MYOZ2: variants seen among roughly 807,000 people sequenced by gnomAD.
MYOZ2 encodes myozenin 2, also known as myozenin-2.
MYOZ2 carries 19 observed loss-of-function variants against 25.4 expected under a neutral mutation model. The observed-to-expected ratio is 0.75, with a 90% CI of 0.52 to 1.10. The LOEUF (loss-of-function observed/expected upper bound fraction) is 1.10, where lower values mean the gene tolerates loss of function less well. MYOZ2 is among the 50% of genes least tolerant of loss of function. The pLI, the probability that MYOZ2 is intolerant of heterozygous loss-of-function variation, is 0.00. For synonymous variants in MYOZ2, 92 were observed against 106.9 expected (o/e 0.86, Z 0.86); for missense variants, 270 against 317.9 (o/e 0.85, Z 1.15).
At chr4:119,155,520 C>T (rs1011025281) in intron 3 of MYOZ2, among the ~76,000 whole-genome samples, 2 of 151,956 alleles carry the variant, frequency 1.3e-5, no homozygotes, top group Non-Finnish European at 2.9e-5. Context: ...TTAGAGGAAA[C>T]CTAGGATTTG....
intron 5 of MYOZ2, among the ~76,000 whole-genome samples, chr4:119,182,676 A>C (rs890849999): frequency 6.6e-6 from 1 of 152,058 alleles, no homozygotes; most frequent in African/African-American, 2.4e-5. Context: ...GAGGGTTTGC[A>C]CTCCTATGAG....
chr4:119,176,711 A>G (rs1409826195), intron 5 of MYOZ2, among the ~76,000 whole-genome samples: 2 of 152,360 alleles, frequency 1.3e-5, no homozygotes, highest in South Asian at 2.1e-4. Flanking sequence ...AATTTGAAAA[A>G]GAACTTTAAG....
intron 3 of MYOZ2, 82 bp downstream of exon 3, chr4:119,151,123 G>T: frequency 1.5e-6 from 2 of 1,343,346 alleles, no homozygotes; most frequent in Non-Finnish European, 2.1e-6. Flanking sequence ...TCTGAAGGAA[G>T]TATTCTATAT....
At chr4:119,179,788 G>A (rs1005992292) in intron 5 of MYOZ2, among the ~76,000 whole-genome samples, 2 of 152,202 alleles carry the variant, frequency 1.3e-5, no homozygotes, top group Non-Finnish European at 2.9e-5. Flanking sequence ...GTCCTCACAT[G>A]GCAAAAGAAG....
Position 119,150,851 on chromosome 4 carries a change from C to T in MYOZ2, c.77-21C>T, listed in dbSNP as rs200211984. 1.1e-3 allele frequency: 1,765 copies of T among 1,610,144 alleles called. 4 individuals carry two copies. The highest frequency in any genetic ancestry group is 1.3e-3 in the Non-Finnish European group (1,520 of 1,176,556). The stretch of plus-strand genomic sequence containing the variant: ...AAATGCTTACCTTGGGATTTTTACT[C>T]ATATGAATATTGTTTTACAGATGTT... On this transcript the variant is annotated intron_variant, in intron 2 of 5. Coordinates refer to ENST00000307128, the MANE Select transcript of MYOZ2 (RefSeq NM_016599.5).
At chr4:119,172,214 G>A (rs934389626) in intron 5 of MYOZ2, among the ~76,000 whole-genome samples, 2 of 152,172 alleles carry the variant, frequency 1.3e-5, no homozygotes, top group African/African-American at 4.8e-5. Flanking sequence ...CCCCCAAAGG[G>A]TTCTCCTTGC....
Position 119,164,285 on chromosome 4 carries a change from C to A in MYOZ2, c.451C>A (p.Pro151Thr). ...TTAVPKYYQSPWEQAISNDPE... is the reference protein window; with the variant it reads ...TTAVPKYYQSTWEQAISNDPE... ...AGCTGTCCCTAAGTACTATCAATCT[C>A]CCTGGGAACAAGCCATTAGCAATGA... The change falls in exon 5 of 6, where the codon CCC becomes ACC. Residue 151 changes from proline to threonine, a missense_variant. Physicochemically the swap from Pro to Thr is conservative, Grantham distance 38. Coordinates refer to ENST00000307128, the MANE Select transcript of MYOZ2 (RefSeq NM_016599.5). 1 of 1,614,020 alleles carries A rather than the reference C, an allele frequency of 6.2e-7. No individual in the cohort carries two copies.
At chr4:119,158,292 T>C in intron 4 of MYOZ2, 141 bp downstream of exon 4, 1 of 1,165,906 alleles carries the variant, frequency 8.6e-7, no homozygotes, top group Non-Finnish European at 1.2e-6. Context: ...CCAGGCACGG[T>C]GGCTCCCAAT....
At chr4:119,180,414 C>A (rs941704650) in intron 5 of MYOZ2, among the ~76,000 whole-genome samples, 1 of 152,170 alleles carries the variant, frequency 6.6e-6, no homozygotes, top group Non-Finnish European at 1.5e-5. Context: ...CTCTTTACTC[C>A]ACTCTCATCC....
At chr4:119,137,356 A>T (rs1741053558) in intron 2 of MYOZ2, among the ~76,000 whole-genome samples, 1 of 152,182 alleles carries the variant, frequency 6.6e-6, no homozygotes. Flanking sequence ...AGCAACGTAT[A>T]GCATCAGTTT....
chr4:119,174,992 G>A (rs1742031581), intron 5 of MYOZ2, among the ~76,000 whole-genome samples: 1 of 151,928 alleles, frequency 6.6e-6, no homozygotes, highest in Non-Finnish European at 1.5e-5. Flanking sequence ...GAGCCAGTGA[G>A]ACCATGAACC....
intron 2 of MYOZ2, among the ~76,000 whole-genome samples, chr4:119,141,449 C>A (rs533517385): frequency 6.6e-6 from 1 of 152,270 alleles, no homozygotes; most frequent in South Asian, 2.1e-4. Flanking sequence ...GTGGTGCAAT[C>A]TCCGCTCACT....
intron 4 of MYOZ2, among the ~76,000 whole-genome samples, chr4:119,160,607 A>G (rs1391062760): frequency 6.6e-6 from 1 of 152,090 alleles, no homozygotes; most frequent in South Asian, 2.1e-4. Context: ...GTGGTTGTAT[A>G]TGTATGTTTA....
intron 5 of MYOZ2, among the ~76,000 whole-genome samples, chr4:119,171,816 A>AAC (rs35658721): frequency 4.4e-4 from 66 of 149,394 alleles, no homozygotes; most frequent in Admixed American, 2.6e-3. Flanking sequence ...CAAACACACA[A>AAC]ACACACACAC....
At chr4:119,168,033 T>C (rs1450216922) in intron 5 of MYOZ2, among the ~76,000 whole-genome samples, 1 of 152,190 alleles carries the variant, frequency 6.6e-6, no homozygotes, top group Non-Finnish European at 1.5e-5. Context: ...AGTGCAGTGG[T>C]GTGATCTCGG....
intron 2 of MYOZ2, among the ~76,000 whole-genome samples, chr4:119,140,366 T>C (rs1741136814): frequency 6.6e-6 from 1 of 152,190 alleles, no homozygotes; most frequent in Non-Finnish European, 1.5e-5. Context: ...AAAAAGGCCT[T>C]TCATACCTCC....
At chr4:119,164,432 A>C (rs754562224) in intron 5 of MYOZ2, 38 bp downstream of exon 5, 1 of 1,608,196 alleles carries the variant, frequency 6.2e-7, no homozygotes, top group Admixed American at 1.7e-5. Context: ...TTGGCATGCA[A>C]TACCAAAATT....
chr4:119,180,319 T>G (rs1336683732), intron 5 of MYOZ2, among the ~76,000 whole-genome samples: 1 of 152,212 alleles, frequency 6.6e-6, no homozygotes, highest in African/African-American at 2.4e-5. Flanking sequence ...ACTGTATATA[T>G]GAATGATATA....
chr4:119,162,976 CT>C (rs1741743552), intron 4 of MYOZ2, among the ~76,000 whole-genome samples: 1 of 152,124 alleles, frequency 6.6e-6, no homozygotes, highest in African/African-American at 2.4e-5. Flanking sequence ...CAGTAGAGGG[CT>C]TGATTATTTT....
Sources: gnomAD v4.1 joint callset for allele counts (sites outside exome capture counted in the v4.1 genomes callset) on GRCh38, gnomAD v4.1.1 for gene constraint, MANE v1.5 for transcripts, NCBI Gene and HGNC (gene_info 2026-07-23, HGNC 2026-07-21) for gene names.